ARHGAP5: variants seen among roughly 807,000 people sequenced by gnomAD.
ARHGAP5 encodes Rho GTPase activating protein 5, also known as rho GTPase-activating protein 5.
In ARHGAP5, 23 loss-of-function variants were observed where a neutral mutation model predicts 116.6. That is an observed-to-expected ratio of 0.20 (90% confidence interval 0.14 to 0.28). The LOEUF (loss-of-function observed/expected upper bound fraction) is 0.28. Ranked by LOEUF, ARHGAP5 falls within the 10% of genes least tolerant of loss-of-function variation. The pLI, the probability that ARHGAP5 is intolerant of heterozygous loss-of-function variation, is 1.00. For missense variants in ARHGAP5, 1,405 were observed against 1,774.8 expected (o/e 0.79, Z 3.74); for synonymous variants, 574 against 602.0 (o/e 0.95, Z 0.68).
intron 1 of ARHGAP5, among the ~76,000 whole-genome samples, chr14:32,079,072 C>A (rs1226776374): frequency 4.6e-5 from 7 of 152,192 alleles, no homozygotes; most frequent in African/African-American, 9.6e-5. Context: ...CAAAAACTTG[C>A]AAAGACACTG....
Position 32,156,420 on chromosome 14 carries a change from G to A in ARHGAP5, c.*1472G>A, listed in dbSNP as rs1050591045. On this transcript the variant is annotated 3_prime_UTR_variant, in exon 7 of 7. Coordinates refer to ENST00000345122, the MANE Select transcript of ARHGAP5 (RefSeq NM_001030055.2). ...TCTGTTTTTTCCTAAAATAAATATT[G>A]TCTCTCCCAACTGTTAAGTTCTAGG... 2 of 152,198 alleles carry A rather than the reference G, an allele frequency of 1.3e-5. No homozygotes were observed. The highest frequency in any genetic ancestry group is 6.6e-5 in the Admixed American group (1 of 15,244). 9.4% of individuals were successfully genotyped at this position (152,198 alleles called of 1,614,324 possible). A position where few individuals can be genotyped will look rare whatever the true frequency, so the allele number is the denominator to read the frequency against.
intron 3 of ARHGAP5, among the ~76,000 whole-genome samples, chr14:32,136,094 T>G (rs1880777499): frequency 6.6e-6 from 1 of 152,234 alleles, no homozygotes; most frequent in Non-Finnish European, 1.5e-5. Flanking sequence ...CTTGTTTTGT[T>G]TTTTTCTTCC....
chr14:32,117,342 A>G, intron 3 of ARHGAP5, 55 bp downstream of exon 3: 1 of 1,448,998 alleles, frequency 6.9e-7, no homozygotes, highest in East Asian at 2.3e-5. Context: ...CTTTTGATAC[A>G]CCAACAGTTT....
chr14:32,107,526 G>T (rs1879074081), intron 2 of ARHGAP5, among the ~76,000 whole-genome samples: 1 of 152,108 alleles, frequency 6.6e-6, no homozygotes, highest in African/African-American at 2.4e-5. Context: ...TATATATTGT[G>T]CCAGTTACAG....
In ARHGAP5 at chr14:32,158,095, T is replaced by C. The variant is rs145507663; in HGVS notation, c.*3147T>C. On this transcript the variant is annotated 3_prime_UTR_variant, in exon 7 of 7. Transcript: ENST00000345122. ...TTAAATATCAGTGAAGCTTCTGATG[T>C]ATAAAGAATGCTATGAATAAAACAT... is the stretch of plus-strand genomic sequence containing the variant. 2 of 151,958 alleles carry C rather than the reference T, an allele frequency of 1.3e-5. No homozygotes were observed. The highest frequency in any genetic ancestry group is 3.9e-4 in the East Asian group (2 of 5,190). The allele number at this position is 151,958 out of a possible 1,614,324, so 9.4% of individuals were successfully genotyped here.
At chr14:32,127,865 C>T (rs532889016) in intron 3 of ARHGAP5, among the ~76,000 whole-genome samples, 124 of 149,228 alleles carry the variant, frequency 8.3e-4, no homozygotes, top group African/African-American at 2.9e-3. Context: ...AGCTGCCGGG[C>T]GGAGGGGCTC....
chr14:32,114,544 T>A (rs1879460710), intron 2 of ARHGAP5, among the ~76,000 whole-genome samples: 1 of 152,136 alleles, frequency 6.6e-6, no homozygotes, highest in Admixed American at 6.5e-5. Flanking sequence ...CTGAGTTAGG[T>A]CTTGAGCCAG....
Position 32,090,826 on chromosome 14 carries a change from C to T in ARHGAP5, c.157C>T (p.His53Tyr). The change falls in exon 2 of 7, where the codon CAT becomes TAT. Residue 53 changes from histidine to tyrosine, a missense_variant. Around this residue, in one of 6 missense-constraint regions of ARHGAP5, gnomAD observed 190 missense variants for 314.9 expected, o/e 0.60. Transcript: ENST00000345122. The part of the protein sequence containing the change: ...RSKADEYYPE[H>Y]TSVLSTIDFG... Reference sequence around the variant, plus strand: ...AAAAGCAGATGAATATTATCCAGAGCATACTTCTGTGCTTAGCACCATTGA... The same window carrying T: ...AAAAGCAGATGAATATTATCCAGAGTATACTTCTGTGCTTAGCACCATTGA... 6.2e-7 allele frequency: 1 copy of T among 1,613,658 alleles called. No homozygotes were observed. Among genetic ancestry groups the T allele is most frequent in the Non-Finnish European group, 8.5e-7 (1 of 1,179,650 alleles).
Position 32,155,906 on chromosome 14 carries a change from A to G in ARHGAP5, c.*958A>G, listed in dbSNP as rs1378497368. ...AAAATTCTTTAAACCAAACATTTAA[A>G]TCTAGGACTTCAATTTAATTTGTTC... On this transcript the variant is annotated 3_prime_UTR_variant, in exon 7 of 7. Transcript: ENST00000345122. 2 of 152,568 alleles carry G rather than the reference A, an allele frequency of 1.3e-5. No homozygotes were observed. Among genetic ancestry groups the G allele is most frequent in the African/African-American group, 4.8e-5 (2 of 41,460 alleles). 9.5% of individuals were successfully genotyped at this position (152,568 alleles called of 1,614,324 possible). A position where few individuals can be genotyped will look rare whatever the true frequency, so the allele number is the denominator to read the frequency against.
intron 1 of ARHGAP5, among the ~76,000 whole-genome samples, chr14:32,082,494 A>C (rs2041786918): frequency 6.6e-6 from 1 of 152,182 alleles, no homozygotes; most frequent in African/African-American, 2.4e-5. Flanking sequence ...TCTTATGTCT[A>C]GTAGCCAGTT....
At chr14:32,124,931 G>A (rs1037340767) in intron 3 of ARHGAP5, among the ~76,000 whole-genome samples, 1 of 152,040 alleles carries the variant, frequency 6.6e-6, no homozygotes, top group African/African-American at 2.4e-5. Flanking sequence ...AAAACACTAG[G>A]GAGAAGAAAA....
intron 2 of ARHGAP5, among the ~76,000 whole-genome samples, chr14:32,112,533 AT>A (rs1879364901): frequency 6.6e-6 from 1 of 152,244 alleles, no homozygotes; most frequent in African/African-American, 2.4e-5. Flanking sequence ...CGGCATTTGC[AT>A]TTAAGTAGAA....
chr14:32,142,883 T>C (rs995351029), intron 3 of ARHGAP5, among the ~76,000 whole-genome samples: 8 of 152,226 alleles, frequency 5.3e-5, no homozygotes, highest in Middle Eastern at 3.2e-3. Flanking sequence ...GTTGGGGGAC[T>C]GAGTCCTGGA....
At position 32,091,486 on chromosome 14, in the gene ARHGAP5, A is replaced by G. The variant is rs768976700; in HGVS notation, c.817A>G (p.Thr273Ala). 5 of 1,613,182 alleles carry G rather than the reference A, an allele frequency of 3.1e-6. No individual in the cohort carries two copies. The highest frequency in any genetic ancestry group is 1.7e-6 in the Non-Finnish European group (2 of 1,179,558). Residue 273 changes from threonine (T) to alanine (A), a missense_variant, in exon 2 of 7, where the codon ACA (threonine) becomes GCA (alanine). Thr to Ala is a moderately conservative substitution (Grantham distance 58, BLOSUM62 0). Transcript: ENST00000345122. ...ACAGAGACAACTTGTTGTCACAGCA[A>G]CAGATAAGTTTGAAAAACTTGTGCA... ...KTQRQLVVTA[T>A]DKFEKLVQTV...
At chr14:32,113,694 CCT>C (rs1408782417) in intron 2 of ARHGAP5, among the ~76,000 whole-genome samples, 1 of 152,144 alleles carries the variant, frequency 6.6e-6, no homozygotes, top group Non-Finnish European at 1.5e-5. Flanking sequence ...TTCACTTTTT[CCT>C]CTTTCCTGTG....
At chr14:32,139,157 G>A (rs981463301) in intron 3 of ARHGAP5, among the ~76,000 whole-genome samples, 4 of 152,094 alleles carry the variant, frequency 2.6e-5, no homozygotes, top group Admixed American at 2.6e-4. Flanking sequence ...TTAAAAATCT[G>A]TATATGTAAG....
intron 2 of ARHGAP5, among the ~76,000 whole-genome samples, chr14:32,099,674 G>T (rs1878701390): frequency 1.3e-5 from 2 of 152,050 alleles, no homozygotes; most frequent in African/African-American, 2.4e-5. Flanking sequence ...ATCTCAGAAC[G>T]GTCCTCTGCC....
chr14:32,085,383 G>A (rs1000576098), intron 1 of ARHGAP5, among the ~76,000 whole-genome samples: 1 of 152,138 alleles, frequency 6.6e-6, no homozygotes, highest in Non-Finnish European at 1.5e-5. Flanking sequence ...GCAGGAGTTC[G>A]AGGCTGCAGT....
chr14:32,094,369 G>C lies in ARHGAP5; in HGVS notation c.3700G>C (p.Val1234Leu). 6.4e-7 allele frequency: 1 copy of C among 1,573,448 alleles called. No individual in the cohort carries two copies. The highest frequency in any genetic ancestry group is 8.6e-7 in the Non-Finnish European group (1 of 1,166,928). The stretch of plus-strand genomic sequence containing the variant: ...GAAGATGAAGAAGAAAACCCACAAA[G>C]TGAAAGAAGATAAAAAGGTAAGGTT... ...DKKMKKKTHK[V>L]KEDKKQKKKT... The change falls in exon 2 of 7, where the codon GTG becomes CTG. Residue 1234 changes from valine to leucine, a missense_variant. By Grantham distance (32) the Val-to-Leu change is conservative. This residue lies in a region of ARHGAP5 where 176 missense variants were observed against 221.2 expected (regional missense o/e 0.80). Transcript: ENST00000345122.
Sources: allele counts gnomAD v4.1 joint callset (sites outside exome capture counted in the v4.1 genomes callset), GRCh38; gene constraint gnomAD v4.1.1; regional missense constraint gnomAD v4.1.1; transcripts MANE v1.5; gene names NCBI Gene and HGNC (gene_info 2026-07-23, HGNC 2026-07-21).